GATB: variants seen among roughly 807,000 people sequenced by gnomAD.
GATB encodes glutamyl-tRNA amidotransferase subunit B, also known as glutamyl-tRNA(Gln) amidotransferase subunit B, mitochondrial.
Under a neutral mutation model 62.3 loss-of-function variants are expected in GATB, and 39 were observed. The ratio of observed to expected loss-of-function variants is 0.63; its 90% CI spans 0.48 to 0.82. GATB has a LOEUF of 0.82. Ranked by LOEUF, GATB falls within the 40% of genes least tolerant of loss-of-function variation. The pLI is 0.00. For missense variants in GATB, 670 were observed against 684.0 expected (o/e 0.98, Z 0.23); for synonymous variants, 276 against 258.9 (o/e 1.07, Z -0.63).
intron 2 of GATB, among the ~76,000 whole-genome samples, chr4:151,731,768 C>A (rs1274299716): frequency 1.1e-4 from 16 of 151,628 alleles, no homozygotes; most frequent in Non-Finnish European, 2.2e-4. Flanking sequence ...CCGGCTGTGA[C>A]CCCGTCTGGG....
chr4:151,736,513 T>C (rs1739377211), intron 2 of GATB, among the ~76,000 whole-genome samples: 1 of 152,224 alleles, frequency 6.6e-6, no homozygotes, highest in Non-Finnish European at 1.5e-5. Flanking sequence ...AAACTTCTCA[T>C]TAATTGTTAC....
intron 2 of GATB, among the ~76,000 whole-genome samples, chr4:151,735,271 T>C (rs968039355): frequency 1.4e-5 from 2 of 145,072 alleles, no homozygotes; most frequent in African/African-American, 5.1e-5. Flanking sequence ...CATCAGAAAG[T>C]GGGCTAAGGG....
At chr4:151,719,699 C>G in intron 2 of GATB, 161 bp from the exon 3 acceptor site, 1 of 499,144 alleles carries the variant, frequency 2.0e-6, no homozygotes, top group African/African-American at 2.0e-5. Flanking sequence ...AGTCTGTTTG[C>G]CTGGGAATCA....
intron 9 of GATB, among the ~76,000 whole-genome samples, chr4:151,697,930 C>CAT (rs761669621): frequency 1.1e-5 from 1 of 92,436 alleles, no homozygotes; most frequent in Non-Finnish European, 1.8e-5. Context: ...AAATCGATTT[C>CAT]ATATATATGT....
rs1429227081 is a variant in GATB at position 151,716,250 on chromosome 4, C to CTCTCAATCA, written c.641-128_641-120dup. On this transcript the variant is annotated intron_variant, in intron 4 of 12. Transcript: ENST00000263985. The stretch of plus-strand genomic sequence containing the variant: ...GAAGGACTCTCAGAGTGGTTCTAGC[C>CTCTCAATCA]TCTCAATCATTTCTCTTCCCTCCCA... 9 of 1,097,334 alleles carry CTCTCAATCA rather than the reference C, an allele frequency of 8.2e-6. No individual in the cohort carries two copies. In the Admixed American group the frequency reaches 2.9e-4, roughly 35 times the overall value. 68.0% of individuals were successfully genotyped at this position (1,097,334 alleles called of 1,614,324 possible).
intron 9 of GATB, among the ~76,000 whole-genome samples, chr4:151,696,387 A>G (rs1302294796): frequency 6.6e-6 from 1 of 152,242 alleles, no homozygotes; most frequent in Non-Finnish European, 1.5e-5. Flanking sequence ...AATGTTAACA[A>G]AAGTACAAAC....
chr4:151,740,754 T>A (rs1225416084), intron 2 of GATB, among the ~76,000 whole-genome samples: 2 of 152,222 alleles, frequency 1.3e-5, no homozygotes, highest in South Asian at 2.1e-4. Flanking sequence ...CGTAATTTGT[T>A]AAGTTCGGGA....
chr4:151,706,177 A>G (rs149920826), intron 6 of GATB, among the ~76,000 whole-genome samples: 7 of 152,350 alleles, frequency 4.6e-5, no homozygotes, highest in Non-Finnish European at 1.0e-4. Context: ...ATGGCCTGAC[A>G]TAGGGAGAAA....
intron 2 of GATB, among the ~76,000 whole-genome samples, chr4:151,753,775 C>T (rs965182830): frequency 1.3e-5 from 2 of 151,252 alleles, no homozygotes; most frequent in East Asian, 1.9e-4. Flanking sequence ...AGCATTTAAA[C>T]ATTCCCAAGT....
intron 10 of GATB, among the ~76,000 whole-genome samples, chr4:151,684,628 T>C (rs1030268465): frequency 6.6e-6 from 1 of 152,270 alleles, no homozygotes; most frequent in Non-Finnish European, 1.5e-5. Context: ...ATGGGTAGCC[T>C]AGTATATCAG....
intron 5 of GATB, among the ~76,000 whole-genome samples, chr4:151,712,616 A>ATCACTGAAAATAACAAGGTT (rs1738839723): frequency 6.6e-6 from 1 of 152,172 alleles, no homozygotes; most frequent in Non-Finnish European, 1.5e-5. Flanking sequence ...TCTCGTTCTG[A>ATCACTGAAAATAACAAGGTT]TCACTGAAAA....
chr4:151,688,500 G>T, intron 10 of GATB, 130 bp downstream of exon 10: 1 of 815,560 alleles, frequency 1.2e-6, no homozygotes, highest in Non-Finnish European at 2.0e-6. Flanking sequence ...GAGTCCACAG[G>T]GGATGTTTGT....
At position 151,749,267 on chromosome 4, in the gene GATB, C is replaced by A. The variant is rs1294493345; in HGVS notation, c.327+9505G>T. Among the ~76,000 whole-genome samples, 3 of 152,116 alleles carry A rather than the reference C, an allele frequency of 2.0e-5. No homozygotes were observed. In the East Asian group the frequency reaches 5.8e-4, roughly 29 times the overall value. ...AAAGACTTGGAACCAACCCAAATGCCCAACAGTGATAGACTGGATTAAGAA... is the reference window on the plus strand; with the variant it reads ...AAAGACTTGGAACCAACCCAAATGCACAACAGTGATAGACTGGATTAAGAA... On this transcript the variant is annotated intron_variant, in intron 2 of 12. Transcript: ENST00000263985.
At chr4:151,726,902 C>A (rs1363019154) in intron 2 of GATB, among the ~76,000 whole-genome samples, 2 of 152,114 alleles carry the variant, frequency 1.3e-5, no homozygotes, top group Non-Finnish European at 2.9e-5. Flanking sequence ...GCTTTTGGCA[C>A]TGGGGCTATC....
At chr4:151,686,095 G>A (rs1358182247) in intron 10 of GATB, among the ~76,000 whole-genome samples, 1 of 152,080 alleles carries the variant, frequency 6.6e-6, no homozygotes, top group Non-Finnish European at 1.5e-5. Flanking sequence ...GGCAGCAGAT[G>A]CCACAAGAGT....
intron 2 of GATB, among the ~76,000 whole-genome samples, chr4:151,758,165 A>C (rs1323926259): frequency 6.6e-6 from 1 of 152,232 alleles, no homozygotes; most frequent in Non-Finnish European, 1.5e-5. Flanking sequence ...CAATAACCAC[A>C]ATCATTACTG....
chr4:151,671,043 A>G lies in GATB; in HGVS notation c.*131T>C, dbSNP rs1018393368. Reference sequence around the variant, plus strand: ...TGAGAACACTGGTGACATTAATGCCATAGCTGTGGCTTGGGACAGGGATTG... The same window carrying G: ...TGAGAACACTGGTGACATTAATGCCGTAGCTGTGGCTTGGGACAGGGATTG... On this transcript the variant is annotated 3_prime_UTR_variant, in exon 13 of 13. Transcript: ENST00000263985. The G allele has an allele frequency of 4.7e-6, 5 of 1,071,044 alleles. No homozygotes were observed. In the African/African-American group the frequency reaches 4.7e-5, roughly 10 times the overall value. 66.3% of individuals were successfully genotyped at this position (1,071,044 alleles called of 1,614,324 possible).
At chr4:151,700,145 AG>A (rs760179581) in intron 9 of GATB, among the ~76,000 whole-genome samples, 6 of 152,330 alleles carry the variant, frequency 3.9e-5, no homozygotes, top group Admixed American at 2.6e-4. Flanking sequence ...TTGGGTTAAG[AG>A]GTGCTCTGTA....
intron 11 of GATB, chr4:151,674,273 A>T (rs1479220283): frequency 1.3e-5 from 2 of 152,404 alleles, no homozygotes; most frequent in East Asian, 3.9e-4. Flanking sequence ...GGGGCACAGA[A>T]GCGGGAAGAA....
Sources: allele counts gnomAD v4.1 joint callset (sites outside exome capture counted in the v4.1 genomes callset), GRCh38; gene constraint gnomAD v4.1.1; transcripts MANE v1.5; gene names NCBI Gene and HGNC (gene_info 2026-07-23, HGNC 2026-07-21).